The following UBE2O variants were observed in gnomAD, a reference collection of about 807,000 sequenced individuals.
The protein encoded by UBE2O is (E3-independent) E2 ubiquitin-conjugating enzyme.
In UBE2O, 15 loss-of-function variants were observed where a neutral mutation model predicts 125.8. The observed-to-expected ratio is 0.12, with a 90% CI of 0.08 to 0.18. The LOEUF (loss-of-function observed/expected upper bound fraction) is 0.18. Ranked by LOEUF, UBE2O falls within the 10% of genes least tolerant of loss-of-function variation. UBE2O has a pLI of 1.00. For missense variants in UBE2O, 1,280 were observed against 1,723.6 expected, an observed-to-expected ratio of 0.74 and a Z score of 4.56; for synonymous variants, 708 against 703.2, an observed-to-expected ratio of 1.01 and a Z score of -0.11.
In UBE2O at chr17:76,390,885, G is replaced by A; in HGVS notation, c.*58C>T. On this transcript the variant is annotated 3_prime_UTR_variant, in exon 18 of 18. Transcript: ENST00000319380. Reference sequence around the variant, plus strand: ...GGAAGAGGGGTGATTCCGGGGGGGAGTGAGCAGGCGGCGGCTGGCCTCTCC... The same window carrying A: ...GGAAGAGGGGTGATTCCGGGGGGGAATGAGCAGGCGGCGGCTGGCCTCTCC... 1 of 1,513,430 alleles carries A rather than the reference G, an allele frequency of 6.6e-7. No homozygotes were observed. Among genetic ancestry groups the A allele is most frequent in the Non-Finnish European group, 8.9e-7 (1 of 1,126,040 alleles). The allele number at this position is 1,513,430 out of a possible 1,614,324, so 93.8% of individuals were successfully genotyped here.
At chr17:76,432,263 G>C (rs968043150) in intron 1 of UBE2O, among the ~76,000 whole-genome samples, 1 of 152,108 alleles carries the variant, frequency 6.6e-6, no homozygotes, top group Non-Finnish European at 1.5e-5. Flanking sequence ...CTACGGAAAG[G>C]ACTCAGTTAT....
At position 76,390,883 on chromosome 17, in the gene UBE2O, G is replaced by A. The variant is rs1025361828; in HGVS notation, c.*60C>T. The A allele has an allele frequency of 4.6e-6, 7 of 1,505,842 alleles. No homozygotes were observed. The South Asian group carries it at 7.7e-5, about 17-fold the overall frequency. The allele number at this position is 1,505,842 out of a possible 1,614,324, so 93.3% of individuals were successfully genotyped here. On this transcript the variant is annotated 3_prime_UTR_variant, in exon 18 of 18. Transcript: ENST00000319380. ...TGGGAAGAGGGGTGATTCCGGGGGG[G>A]AGTGAGCAGGCGGCGGCTGGCCTCT...
chr17:76,416,071 A>ATG (rs2072606717), intron 1 of UBE2O, among the ~76,000 whole-genome samples: 1 of 151,480 alleles, frequency 6.6e-6, no homozygotes, highest in Admixed American at 6.6e-5. Flanking sequence ...GTATATACGT[A>ATG]TGTGTATACA....
At position 76,405,500 on chromosome 17, in the gene UBE2O, A is replaced by G. The variant is rs371519187; in HGVS notation, c.477+13T>C. ...CCCCAGGCCCGGGGCTGGGGTGGGG[A>G]CGCAGGACTCACGGTGGATCGCATG... is the stretch of plus-strand genomic sequence containing the variant. On this transcript the variant is annotated intron_variant, in intron 2 of 17. Transcript: ENST00000319380. This position sits in a 1 kb window ranked among gnomAD's most constrained non-coding sequence, Gnocchi z 6.1. 6.3e-7 allele frequency: 1 copy of G among 1,594,122 alleles called. No individual in the cohort carries two copies. Among genetic ancestry groups the G allele is most frequent in the Non-Finnish European group, 8.5e-7 (1 of 1,172,936 alleles).
intron 1 of UBE2O, among the ~76,000 whole-genome samples, chr17:76,451,008 C>T (rs7223304): frequency 0.57 from 87,274 of 152,140 alleles, 26,416 homozygotes; most frequent in South Asian, 0.69. Flanking sequence ...AGCATAACTG[C>T]AAACAAAGTT....
intron 1 of UBE2O, among the ~76,000 whole-genome samples, chr17:76,426,097 G>A (rs2072806017): frequency 6.6e-6 from 1 of 152,168 alleles, no homozygotes; most frequent in Non-Finnish European, 1.5e-5. Flanking sequence ...CAACCTCCTG[G>A]GCTCAAATGA....
Position 76,391,884 on chromosome 17 carries a change from G to A in UBE2O, c.3150+26C>T. The A allele has an allele frequency of 6.2e-7, 1 of 1,613,656 alleles. No individual in the cohort carries two copies. The highest frequency in any genetic ancestry group is 8.5e-7 in the Non-Finnish European group (1 of 1,179,792). The stretch of plus-strand genomic sequence containing the variant: ...CCACCAGTGGCTCTTCCTCCTTCTT[G>A]GCTGGGGGCCTGGCCCTATACTCAC... On this transcript the variant is annotated intron_variant, in intron 16 of 17. Transcript: ENST00000319380. This position sits in a 1 kb window ranked among gnomAD's most constrained non-coding sequence, Gnocchi z 8.4.
In UBE2O at chr17:76,391,026, T is replaced by A; in HGVS notation, c.3796A>T (p.Ile1266Phe). Residue 1266 changes from isoleucine (I) to phenylalanine (F), a missense_variant, in exon 18 of 18, where the codon ATC becomes TTC. Transcript: ENST00000319380. The surrounding 1 kb of genome is among the most constrained non-coding windows in gnomAD (Gnocchi z 8.4). Reference protein sequence around the residue: ...FPLFPLSKGFIKSIRGVLTQF... With the variant: ...FPLFPLSKGFFKSIRGVLTQF... ...GTCAGGACACCCCGGATGCTCTTGATGAAACCCTTGGAAAGTGGGAAGAGG... is the reference window on the plus strand; with the variant it reads ...GTCAGGACACCCCGGATGCTCTTGAAGAAACCCTTGGAAAGTGGGAAGAGG... 1 of 1,613,950 alleles carries A rather than the reference T, an allele frequency of 6.2e-7. No individual in the cohort carries two copies. Among genetic ancestry groups the A allele is most frequent in the Non-Finnish European group, 8.5e-7 (1 of 1,180,020 alleles).
At chr17:76,409,389 G>A (rs1265883525) in intron 1 of UBE2O, among the ~76,000 whole-genome samples, 1 of 150,856 alleles carries the variant, frequency 6.6e-6, no homozygotes, top group Non-Finnish European at 1.5e-5. Context: ...GGTTTAAAAT[G>A]AACACACACT....
At chr17:76,420,911 G>A (rs1027329330) in intron 1 of UBE2O, among the ~76,000 whole-genome samples, 1 of 152,086 alleles carries the variant, frequency 6.6e-6, no homozygotes, top group Non-Finnish European at 1.5e-5. Flanking sequence ...TGCTAACCTT[G>A]ACAGTAGGAG....
chr17:76,412,391 C>CGGT (rs1367536834), intron 1 of UBE2O, among the ~76,000 whole-genome samples: 1 of 152,188 alleles, frequency 6.6e-6, no homozygotes, highest in Non-Finnish European at 1.5e-5. Context: ...CTCCTCCACC[C>CGGT]CCTCCCTGAC....
Position 76,391,396 on chromosome 17 carries a change from G to A in UBE2O, c.3426C>T (p.Ile1142=), listed in dbSNP as rs748686473. Residue 1142 remains isoleucine, a synonymous_variant, in exon 18 of 18, where the codon ATC becomes ATT. Transcript: ENST00000319380. This position sits in a 1 kb window ranked among gnomAD's most constrained non-coding sequence, Gnocchi z 8.4. ...GGGCATGGGTTTCCAGCCAGGACTC[G>A]ATACGGTTCACCAGCCGCCAGCCAC... The part of the protein sequence containing the change: ...STGGWRLVNR[I]ESWLETHALL... 8.7e-6 allele frequency: 14 copies of A among 1,613,312 alleles called. No individual in the cohort carries two copies. The African/African-American group carries it at 1.6e-4, about 18-fold the overall frequency.
Position 76,446,972 on chromosome 17 carries a change from C to T in UBE2O, c.417+5753G>A, listed in dbSNP as rs534936905. 7.9e-5 allele frequency among the ~76,000 whole-genome samples: 12 copies of T among 152,296 alleles called. 1 individual carries two copies. In the South Asian group the frequency reaches 1.5e-3, roughly 18 times the overall value. ...AAGAGTGGAATCTGCAGAAGCACACCGCCAGTGCGAATGCAGTGTTCCTCC... is the reference window on the plus strand; with the variant it reads ...AAGAGTGGAATCTGCAGAAGCACACTGCCAGTGCGAATGCAGTGTTCCTCC... On this transcript the variant is annotated intron_variant, in intron 1 of 17. Coordinates refer to ENST00000319380, the MANE Select transcript of UBE2O (RefSeq NM_022066.4).
At chr17:76,401,832 C>T (rs2072331096) in intron 5 of UBE2O, 1 of 342,558 alleles carries the variant, frequency 2.9e-6, no homozygotes, top group African/African-American at 2.3e-5. Context: ...GCCGAGATCG[C>T]ACCGTTGCAC....
At chr17:76,407,252 A>G (rs1475046601) in intron 1 of UBE2O, among the ~76,000 whole-genome samples, 1 of 152,172 alleles carries the variant, frequency 6.6e-6, no homozygotes, top group Non-Finnish European at 1.5e-5. Flanking sequence ...AGACCCCTGA[A>G]AGGTCAGGCT....
chr17:76,391,549 C>T lies in UBE2O; in HGVS notation c.3273G>A (p.Gln1091=). 1.2e-6 allele frequency: 2 copies of T among 1,614,166 alleles called. No homozygotes were observed. The highest frequency in any genetic ancestry group is 2.2e-5 in the East Asian group (1 of 44,890). Residue 1091 remains glutamine (Q), a synonymous_variant, in exon 18 of 18, where the codon CAG becomes CAA. Transcript: ENST00000319380. The surrounding 1 kb of genome is among the most constrained non-coding windows in gnomAD (Gnocchi z 8.4). ...EAGFDSDRGL[Q]EGYENSRCYN... ...AACAGCGACTGTTTTCATAGCCTTCCTGCAGGCCTCGGTCACTGTCGAAGC... is the reference window on the plus strand; with the variant it reads ...AACAGCGACTGTTTTCATAGCCTTCTTGCAGGCCTCGGTCACTGTCGAAGC...
intron 1 of UBE2O, among the ~76,000 whole-genome samples, chr17:76,409,291 G>A (rs1342238078): frequency 6.6e-6 from 1 of 151,978 alleles, no homozygotes; most frequent in African/African-American, 2.4e-5. Context: ...TTAGAGAGTC[G>A]TAACTATCAG....
intron 15 of UBE2O, among the ~76,000 whole-genome samples, 184 bp from the exon 16 acceptor site, chr17:76,392,297 G>A (rs1020252432): frequency 6.6e-6 from 1 of 152,050 alleles, no homozygotes; most frequent in African/African-American, 2.4e-5. Flanking sequence ...TCTCTCTGCA[G>A]AACAGCCTGG....
chr17:76,438,892 G>A (rs9895309), intron 1 of UBE2O, among the ~76,000 whole-genome samples: 93,114 of 151,712 alleles, frequency 0.61, 33,130 homozygotes, highest in East Asian at 0.82. Context: ...CATGCACACC[G>A]AGGGCACAGA....
Sources: gnomAD v4.1 joint callset for allele counts (sites outside exome capture counted in the v4.1 genomes callset) on GRCh38, gnomAD v4.1.1 for gene constraint, Gnocchi (gnomAD v3.1) non-coding constraint, MANE v1.5 for transcripts, NCBI Gene and HGNC (gene_info 2026-07-23, HGNC 2026-07-21) for gene names.